ABHD12: variants seen among roughly 807,000 people sequenced by gnomAD.
ABHD12 encodes abhydrolase domain containing 12, lysophospholipase, also known as lysophosphatidylserine lipase ABHD12.
In ABHD12, 43 loss-of-function variants were observed where a neutral mutation model predicts 58.3. The observed-to-expected ratio is 0.74, with a 90% CI of 0.58 to 0.95. The LOEUF (loss-of-function observed/expected upper bound fraction) is 0.95, where lower values mean the gene tolerates loss of function less well. ABHD12 is among the 40% of genes least tolerant of loss of function. The pLI, the probability that ABHD12 is intolerant of heterozygous loss-of-function variation, is 0.00. For synonymous variants in ABHD12, 219 were observed against 211.2 expected (o/e 1.04, Z -0.32); for missense variants, 539 against 537.2 (o/e 1.00, Z -0.03).
chr20:25,349,207 T>C (rs1205676288), intron 1 of ABHD12, among the ~76,000 whole-genome samples: 1 of 151,664 alleles, frequency 6.6e-6, no homozygotes, highest in Non-Finnish European at 1.5e-5. Flanking sequence ...ATGGAATCAA[T>C]ATAGCACCAC....
At chr20:25,380,543 C>G (rs544289285) in intron 1 of ABHD12, among the ~76,000 whole-genome samples, 1 of 152,260 alleles carries the variant, frequency 6.6e-6, no homozygotes, top group East Asian at 1.9e-4. Context: ...TTTCCTCTCT[C>G]CACTTCTTCC....
At chr20:25,306,972 G>A in intron 9 of ABHD12, 57 bp from the exon 10 acceptor site, 6 of 1,282,752 alleles carry the variant, frequency 4.7e-6, no homozygotes, top group Admixed American at 3.4e-5. Context: ...CCAGGCACAG[G>A]TCAAGGGTGC....
chr20:25,351,438 T>C (rs1209461279), intron 1 of ABHD12, among the ~76,000 whole-genome samples: 1 of 152,256 alleles, frequency 6.6e-6, no homozygotes, highest in East Asian at 1.9e-4. Flanking sequence ...TCACAGTGTG[T>C]GTCTTGTTCC....
downstream of ABHD12, chr20:25,296,597 C>G (rs1479390384): frequency 6.6e-7 from 1 of 1,519,056 alleles, no homozygotes; most frequent in Admixed American, 1.8e-5. Flanking sequence ...TCCCCAAACA[C>G]TTTGCCAGCC....
chr20:25,327,897 A>C (rs1018878563), intron 2 of ABHD12, among the ~76,000 whole-genome samples: 1 of 152,124 alleles, frequency 6.6e-6, no homozygotes, highest in African/African-American at 2.4e-5. Flanking sequence ...AGATTGATAA[A>C]CTAGCTCATC....
Position 25,323,318 on chromosome 20 carries a change from C to T in ABHD12, c.422+7G>A. The T allele has an allele frequency of 6.3e-7, 1 of 1,597,286 alleles. No homozygotes were observed. The highest frequency in any genetic ancestry group is 1.1e-5 in the South Asian group (1 of 90,788). ...CTGGAGGGGCTGCAGAGCTCACTGGCACTCACCAGACTCCAATGGTCACGT... is the reference window on the plus strand; with the variant it reads ...CTGGAGGGGCTGCAGAGCTCACTGGTACTCACCAGACTCCAATGGTCACGT... On this transcript the variant is annotated splice_region_variant and intron_variant, in intron 3 of 12. Coordinates refer to ENST00000339157, the MANE Select transcript of ABHD12 (RefSeq NM_001042472.3).
intron 3 of ABHD12, among the ~76,000 whole-genome samples, chr20:25,320,969 A>G (rs1402494523): frequency 1.3e-5 from 2 of 152,228 alleles, no homozygotes; most frequent in East Asian, 1.9e-4. Flanking sequence ...AATACTGTTA[A>G]TCACTGGGGA....
intron 1 of ABHD12, among the ~76,000 whole-genome samples, chr20:25,375,608 T>C (rs1225803539): frequency 6.6e-6 from 1 of 152,156 alleles, no homozygotes; most frequent in South Asian, 2.1e-4. Flanking sequence ...CCCTGTGCCA[T>C]GGCGTGGAAG....
chr20:25,341,810 G>A (rs960599553), intron 1 of ABHD12, among the ~76,000 whole-genome samples: 3 of 152,198 alleles, frequency 2.0e-5, no homozygotes, highest in African/African-American at 7.2e-5. Flanking sequence ...GTTATCCTGA[G>A]AGAAAACGAA....
At chr20:25,390,375 CGCGGACGGGGGCGGCCGCGGATCGG>C (rs1194351928) in intron 1 of ABHD12, 113 bp downstream of exon 1, 14 of 877,858 alleles carry the variant, frequency 1.6e-5, no homozygotes, top group East Asian at 7.3e-5. Flanking sequence ...GGGACACAGG[CGCGGACGGGGGCGGCCGCGGATCGG>C]GCGGACGGCC....
At chr20:25,347,629 T>A (rs1329731344) in intron 1 of ABHD12, among the ~76,000 whole-genome samples, 3 of 150,652 alleles carry the variant, frequency 2.0e-5, no homozygotes, top group Non-Finnish European at 2.9e-5. Context: ...AGTTTGAAAC[T>A]GGCCTGGGCA....
At chr20:25,369,762 C>T (rs1223320845) in intron 1 of ABHD12, among the ~76,000 whole-genome samples, 1 of 152,098 alleles carries the variant, frequency 6.6e-6, no homozygotes, top group Admixed American at 6.5e-5. Flanking sequence ...GAAAAACTTG[C>T]TCTTTAAAGG....
intron 1 of ABHD12, among the ~76,000 whole-genome samples, chr20:25,358,273 C>T (rs1421522395): frequency 6.6e-6 from 1 of 152,152 alleles, no homozygotes; most frequent in Non-Finnish European, 1.5e-5. Context: ...GCCAATTGTC[C>T]ATCAATAGGA....
chr20:25,390,513 C>T lies in ABHD12; in HGVS notation c.191G>A (p.Arg64Lys), dbSNP rs1183847169. ...CCCCCCGCTCCGCGCGAAGCCTCAC[C>T]TGCCCAGCGCCCGCTTCATTCCCGC... ...ADAGMKRALG[R>K]RKGVWLRLRK... Residue 64 changes from arginine (R) to lysine (K), a missense_variant and splice_region_variant, in exon 1 of 13, where the codon AGG (arginine) becomes AAG (lysine). Coordinates refer to ENST00000339157, the MANE Select transcript of ABHD12 (RefSeq NM_001042472.3). The T allele has an allele frequency of 1.4e-6, 2 of 1,454,916 alleles. No homozygotes were observed. The highest frequency in any genetic ancestry group is 3.3e-5 in the East Asian group (1 of 30,090). The allele number at this position is 1,454,916 out of a possible 1,614,324, so 90.1% of individuals were successfully genotyped here.
intron 1 of ABHD12, among the ~76,000 whole-genome samples, chr20:25,365,442 T>C (rs1013011057): frequency 2.0e-5 from 3 of 152,330 alleles, no homozygotes; most frequent in African/African-American, 7.2e-5. Context: ...TTACCTATTT[T>C]ACAGCTCCTA....
intron 6 of ABHD12, among the ~76,000 whole-genome samples, chr20:25,311,701 G>A (rs2088852280): frequency 6.6e-6 from 1 of 152,114 alleles, no homozygotes; most frequent in East Asian, 1.9e-4. Context: ...CTACATGGTG[G>A]AATACACTTT....
chr20:25,382,411 G>C (rs1012897188), intron 1 of ABHD12, among the ~76,000 whole-genome samples: 4 of 152,096 alleles, frequency 2.6e-5, no homozygotes, highest in South Asian at 4.2e-4. Context: ...TGAGACCAAA[G>C]TCCTGTGGCG....
At chr20:25,340,271 T>C (rs1218259442) in intron 1 of ABHD12, among the ~76,000 whole-genome samples, 2 of 152,264 alleles carry the variant, frequency 1.3e-5, no homozygotes, top group South Asian at 2.1e-4. Flanking sequence ...ATATTTGTTA[T>C]GAAAAATAAT....
chr20:25,297,520 G>C (rs2088567273), downstream of ABHD12: 1 of 152,330 alleles, frequency 6.6e-6, no homozygotes, highest in Non-Finnish European at 1.5e-5. Flanking sequence ...GCCTCGTCTG[G>C]AAAAAGGACC....
Sources: gnomAD v4.1 joint callset for allele counts (sites outside exome capture counted in the v4.1 genomes callset) on GRCh38, gnomAD v4.1.1 for gene constraint, MANE v1.5 for transcripts, NCBI Gene and HGNC (gene_info 2026-07-23, HGNC 2026-07-21) for gene names.